CNTNAP2: variants seen among roughly 807,000 people sequenced by gnomAD.
The protein encoded by CNTNAP2 is contactin-associated protein-like 2.
Under a neutral mutation model 155.2 loss-of-function variants are expected in CNTNAP2, and 98 were observed. The observed-to-expected ratio is 0.63, with a 90% CI of 0.54 to 0.75. The LOEUF is 0.75. CNTNAP2 is among the 30% of genes least tolerant of loss of function. CNTNAP2 has a pLI of 0.00. For synonymous variants in CNTNAP2, 651 were observed against 631.2 expected, an observed-to-expected ratio of 1.03 and a Z score of -0.47; for missense variants, 1,727 against 1,688.1, an observed-to-expected ratio of 1.02 and a Z score of -0.40.
chr7:148,382,592 T>A (rs890285787), intron 21 of CNTNAP2, among the ~76,000 whole-genome samples: 12 of 152,186 alleles, frequency 7.9e-5, no homozygotes, highest in Non-Finnish European at 1.5e-4. Flanking sequence ...CGTAGAGAGA[T>A]GCTGGAGAAG....
rs1799895258 is a variant in CNTNAP2, at chr7:148,413,404, A to AAAAAT, written c.3797-2013_3797-2012insAAAAT. ...TGAAACTCCGTCTCAAAAAAAAAATATATATATATATATATATATATATAT... is the reference window on the plus strand; with the variant it reads ...TGAAACTCCGTCTCAAAAAAAAAATAAAAATTATATATATATATATATATATATAT... On this transcript the variant is annotated intron_variant, in intron 23 of 23. Coordinates refer to ENST00000361727, the MANE Select transcript of CNTNAP2 (RefSeq NM_014141.6). Among the ~76,000 whole-genome samples, 11 of 24,640 alleles carry AAAAAT rather than the reference A, an allele frequency of 4.5e-4. 4 individuals carry two copies. The highest frequency in any genetic ancestry group is 1.4e-3 in the African/African-American group (11 of 7,810). 16.2% of individuals were successfully genotyped at this position (24,640 alleles called of 152,430 possible).
Position 147,977,786 on chromosome 7 carries a change from A to T in CNTNAP2, c.2256-76A>T. ...ATTACTGAAATGTCATCATTAGACA[A>T]CGTAAGCAACTAGCAGAAAATTCAT... On this transcript the variant is annotated intron_variant, in intron 14 of 23. Transcript: ENST00000361727. 4 of 1,587,732 alleles carry T rather than the reference A, an allele frequency of 2.5e-6. No individual in the cohort carries two copies. In the South Asian group the frequency reaches 4.4e-5, roughly 18 times the overall value.
At chr7:147,244,501 A>C (rs904308371) in intron 8 of CNTNAP2, among the ~76,000 whole-genome samples, 1 of 152,212 alleles carries the variant, frequency 6.6e-6, no homozygotes, top group African/African-American at 2.4e-5. Context: ...AAAGCAGTCC[A>C]GTCATCCACC....
chr7:147,709,464 T>TA (rs1442735441), intron 13 of CNTNAP2, among the ~76,000 whole-genome samples: 1 of 152,214 alleles, frequency 6.6e-6, no homozygotes, highest in Admixed American at 6.5e-5. Context: ...GCTCTTTTTG[T>TA]AAAGATGCTG....
intron 13 of CNTNAP2, among the ~76,000 whole-genome samples, chr7:147,796,143 T>A (rs1161297978): frequency 6.6e-6 from 1 of 152,198 alleles, no homozygotes; most frequent in Non-Finnish European, 1.5e-5. Context: ...TAGTCCAAGA[T>A]GCCTCATGAG....
chr7:148,147,563 C>T lies in CNTNAP2; in HGVS notation c.2627C>T (p.Pro876Leu). 2.5e-6 allele frequency: 4 copies of T among 1,614,130 alleles called. No individual in the cohort carries two copies. In the South Asian group the frequency reaches 4.4e-5, roughly 18 times the overall value. ...GAGATTGTAGTGAGGTCACCAACCC[C>T]TCTCAACGATGACCAGTGGCACCGG... ...PVEIVVRSPT[P>L]LNDDQWHRVT... The change falls in exon 17 of 24, where the codon CCT (proline) becomes CTT (leucine). Residue 876 changes from proline (P) to leucine (L), a missense_variant. Transcript: ENST00000361727.
intron 3 of CNTNAP2, among the ~76,000 whole-genome samples, chr7:146,909,348 CA>C (rs1796223771): frequency 7.8e-6 from 1 of 128,220 alleles, no homozygotes; most frequent in Non-Finnish European, 1.6e-5. Flanking sequence ...GAGACACAAC[CA>C]AAAAACAGAA....
intron 13 of CNTNAP2, among the ~76,000 whole-genome samples, chr7:147,676,933 A>T (rs144158526): frequency 2.6e-5 from 4 of 152,026 alleles, no homozygotes; most frequent in African/African-American, 9.6e-5. Flanking sequence ...ACTTAGATTG[A>T]TTCCATCTCA....
chr7:146,849,072 C>A (rs966317162), intron 3 of CNTNAP2, among the ~76,000 whole-genome samples: 1 of 152,090 alleles, frequency 6.6e-6, no homozygotes, highest in African/African-American at 2.4e-5. Context: ...TGAGCCACTG[C>A]ACCCAGCAAA....
intron 9 of CNTNAP2, among the ~76,000 whole-genome samples, chr7:147,333,545 T>C (rs557165407): frequency 2.4e-4 from 37 of 152,304 alleles, no homozygotes; most frequent in African/African-American, 8.4e-4. Context: ...CTATTGAAGA[T>C]AGTAGTAAAT....
intron 22 of CNTNAP2, among the ~76,000 whole-genome samples, chr7:148,394,345 G>T (rs1198003619): frequency 6.6e-6 from 1 of 151,920 alleles, no homozygotes; most frequent in African/African-American, 2.4e-5. Context: ...GGACTCTCTG[G>T]TCTATTACAT....
chr7:146,797,887 A>G (rs1802799762), intron 2 of CNTNAP2, among the ~76,000 whole-genome samples: 1 of 152,244 alleles, frequency 6.6e-6, no homozygotes, highest in Admixed American at 6.5e-5. Flanking sequence ...AACTATGTAT[A>G]CATTTGTTAC....
At chr7:146,303,226 G>C (rs1202909913) in intron 1 of CNTNAP2, among the ~76,000 whole-genome samples, 1 of 151,906 alleles carries the variant, frequency 6.6e-6, no homozygotes, top group Non-Finnish European at 1.5e-5. Flanking sequence ...ATGACACTTA[G>C]GCATAGCTTT....
chr7:146,977,106 G>C (rs544571666), intron 3 of CNTNAP2, among the ~76,000 whole-genome samples: 1 of 152,264 alleles, frequency 6.6e-6, no homozygotes, highest in East Asian at 1.9e-4. Flanking sequence ...ACAGGAGTTA[G>C]AGCCAGAACA....
At chr7:148,306,785 GTA>G (rs1214535797) in intron 21 of CNTNAP2, among the ~76,000 whole-genome samples, 5 of 151,904 alleles carry the variant, frequency 3.3e-5, no homozygotes, top group Non-Finnish European at 7.4e-5. Context: ...GTGTGTGTGT[GTA>G]TATGTGTATT....
In CNTNAP2 at chr7:147,624,271, T is replaced by TA. The variant is rs555016625; in HGVS notation, c.1898-14825dup. Among the ~76,000 whole-genome samples the TA allele has an allele frequency of 1.3e-3, 193 of 148,206 alleles. 1 individual carries two copies. The highest frequency in any genetic ancestry group is 1.9e-3 in the Non-Finnish European group (125 of 66,714). On this transcript the variant is annotated intron_variant, in intron 12 of 23. Transcript: ENST00000361727. ...ATGGATAAATGTGATCAGCTCAAGT[T>TA]AAAAAAAAAACTTCTGCACAGCAAA...
At chr7:147,041,452 T>A (rs890763298) in intron 3 of CNTNAP2, among the ~76,000 whole-genome samples, 15 of 152,216 alleles carry the variant, frequency 9.9e-5, no homozygotes, top group African/African-American at 3.4e-4. Flanking sequence ...CTGGGTCTTA[T>A]ACCCTAGGTC....
chr7:146,134,545 G>T (rs987071079), intron 1 of CNTNAP2, among the ~76,000 whole-genome samples: 1 of 151,054 alleles, frequency 6.6e-6, no homozygotes. Flanking sequence ...TTGGCTGTGG[G>T]TTTGTCATAG....
intron 2 of CNTNAP2, among the ~76,000 whole-genome samples, chr7:146,784,186 C>A (rs996221729): frequency 6.6e-6 from 1 of 152,092 alleles, no homozygotes; most frequent in African/African-American, 2.4e-5. Context: ...TTACTATTTT[C>A]CCCTTTGTGT....
Sources: allele counts gnomAD v4.1 joint callset (sites outside exome capture counted in the v4.1 genomes callset), GRCh38; gene constraint gnomAD v4.1.1; transcripts MANE v1.5; gene names NCBI Gene and HGNC (gene_info 2026-07-23, HGNC 2026-07-21).